Variants in PDE4D observed in about 807,000 individuals in gnomAD.
PDE4D encodes phosphodiesterase 4D, also known as 3',5'-cyclic-AMP phosphodiesterase 4D.
Under a neutral mutation model 87.4 loss-of-function variants are expected in PDE4D, and 24 were observed. The ratio of observed to expected loss-of-function variants is 0.27; its 90% CI spans 0.20 to 0.39. PDE4D has a LOEUF of 0.39. Ranked by LOEUF, PDE4D falls within the 10% of genes least tolerant of loss-of-function variation. PDE4D has a pLI of 1.00. For synonymous variants in PDE4D, 384 were observed against 383.2 expected (o/e 1.00, Z -0.02); for missense variants, 714 against 1,041.0 (o/e 0.69, Z 4.32).
intron 5 of PDE4D, among the ~76,000 whole-genome samples, chr5:59,081,885 G>C (rs1223114439): frequency 6.6e-6 from 1 of 152,062 alleles, no homozygotes; most frequent in Non-Finnish European, 1.5e-5. Context: ...GGGAGGGACT[G>C]GGTGAAGATA....
intron 1 of PDE4D, among the ~76,000 whole-genome samples, chr5:59,698,581 A>G (rs1262539613): frequency 6.6e-6 from 1 of 152,172 alleles, no homozygotes; most frequent in African/African-American, 2.4e-5. Context: ...AAAAAGAATG[A>G]CAGCCCACAC....
intron 1 of PDE4D, among the ~76,000 whole-genome samples, chr5:60,445,527 A>C (rs1189581641): frequency 6.6e-6 from 1 of 152,168 alleles, no homozygotes; most frequent in African/African-American, 2.4e-5. Context: ...ACTGGAAGAA[A>C]ATGTAGGAAA....
intron 1 of PDE4D, among the ~76,000 whole-genome samples, chr5:59,361,543 T>C (rs929833673): frequency 6.6e-6 from 1 of 152,162 alleles, no homozygotes; most frequent in African/African-American, 2.4e-5. Context: ...GAGTGGTGGA[T>C]ATAGGATTAC....
chr5:59,793,216 A>G (rs764511930), intron 1 of PDE4D, among the ~76,000 whole-genome samples: 8 of 152,224 alleles, frequency 5.3e-5, no homozygotes, highest in Non-Finnish European at 8.8e-5. Flanking sequence ...GGAGATGTCC[A>G]GCGTCCAGCT....
chr5:59,261,631 A>AT, intron 1 of PDE4D, among the ~76,000 whole-genome samples: 1 of 151,638 alleles, frequency 6.6e-6, no homozygotes, highest in South Asian at 2.1e-4. Context: ...TTTTCCAACT[A>AT]TTTTTTCCTG....
intron 1 of PDE4D, among the ~76,000 whole-genome samples, chr5:59,699,648 G>A (rs1366180219): frequency 1.3e-5 from 2 of 152,058 alleles, no homozygotes; most frequent in Non-Finnish European, 2.9e-5. Flanking sequence ...ACAAAAAAGA[G>A]GAAGATAGAA....
At chr5:59,997,341 T>C (rs1356125045) in intron 2 of PDE4D, among the ~76,000 whole-genome samples, 1 of 152,204 alleles carries the variant, frequency 6.6e-6, no homozygotes, top group Non-Finnish European at 1.5e-5. Context: ...CTCTCTCAAG[T>C]GTTTTGAAAA....
chr5:59,513,514 T>C lies in PDE4D; in HGVS notation c.456-297546A>G, dbSNP rs114650025. On this transcript the variant is annotated intron_variant, in intron 1 of 14. Coordinates refer to ENST00000340635, the MANE Select transcript of PDE4D (RefSeq NM_001104631.2). The stretch of plus-strand genomic sequence containing the variant: ...AGGTGAGAGACTGCCTAGTTCAACC[T>C]CCTTTCACAAATGAGGCAATTAAAC... Among the ~76,000 whole-genome samples the C allele has an allele frequency of 4.0e-3, 608 of 152,292 alleles. 4 individuals carry two copies. The highest frequency in any genetic ancestry group is 0.014 in the African/African-American group (590 of 41,556).
chr5:60,435,927 C>A (rs1354620020), intron 1 of PDE4D, among the ~76,000 whole-genome samples: 1 of 151,968 alleles, frequency 6.6e-6, no homozygotes. Flanking sequence ...TTTTTCAGAG[C>A]CTCCAGGGCT....
chr5:59,879,478 G>A (rs1749124136), intron 1 of PDE4D, among the ~76,000 whole-genome samples: 1 of 152,178 alleles, frequency 6.6e-6, no homozygotes, highest in Non-Finnish European at 1.5e-5. Context: ...TAATCAGATG[G>A]CAGTTATATT....
chr5:59,649,402 C>G (rs940395571), intron 1 of PDE4D, among the ~76,000 whole-genome samples: 1 of 151,972 alleles, frequency 6.6e-6, no homozygotes, highest in Non-Finnish European at 1.5e-5. Flanking sequence ...AAGAAAAACA[C>G]GTCAGCAGGG....
chr5:59,265,230 C>A (rs935903877), intron 1 of PDE4D, among the ~76,000 whole-genome samples: 1 of 151,824 alleles, frequency 6.6e-6, no homozygotes, highest in African/African-American at 2.4e-5. Context: ...CAGATGAAAC[C>A]CCTGCCTAGT....
intron 1 of PDE4D, among the ~76,000 whole-genome samples, chr5:60,285,785 A>G (rs1455509283): frequency 1.3e-5 from 2 of 152,198 alleles, no homozygotes; most frequent in Non-Finnish European, 2.9e-5. Context: ...ATTGCAATAA[A>G]ATGACCTTGA....
At chr5:59,654,954 C>A (rs918018719) in intron 1 of PDE4D, among the ~76,000 whole-genome samples, 3 of 152,122 alleles carry the variant, frequency 2.0e-5, no homozygotes, top group African/African-American at 7.2e-5. Flanking sequence ...GTTTATCCAT[C>A]AGCTGATGGC....
At chr5:60,144,885 T>G (rs1457736523) in intron 2 of PDE4D, among the ~76,000 whole-genome samples, 1 of 152,204 alleles carries the variant, frequency 6.6e-6, no homozygotes, top group African/African-American at 2.4e-5. Flanking sequence ...TAGATCACTC[T>G]AAATCTCATC....
chr5:59,337,688 A>G (rs544296740), intron 1 of PDE4D, among the ~76,000 whole-genome samples: 2 of 152,260 alleles, frequency 1.3e-5, no homozygotes, highest in East Asian at 3.9e-4. Context: ...CCATGTGTTG[A>G]TATGTTCTGA....
At chr5:60,285,738 C>T (rs1395790179) in intron 1 of PDE4D, among the ~76,000 whole-genome samples, 2 of 152,188 alleles carry the variant, frequency 1.3e-5, no homozygotes, top group African/African-American at 2.4e-5. Context: ...CACAGAGTGA[C>T]GTGGTGCCCA....
chr5:60,334,020 C>A (rs2149876543), intron 1 of PDE4D, among the ~76,000 whole-genome samples: 1 of 152,312 alleles, frequency 6.6e-6, no homozygotes, highest in Non-Finnish European at 1.5e-5. Context: ...ATCACTGATT[C>A]ATTCTCACAA....
chr5:59,711,632 C>T (rs987849895), intron 1 of PDE4D, among the ~76,000 whole-genome samples: 7 of 152,188 alleles, frequency 4.6e-5, no homozygotes, highest in Non-Finnish European at 7.4e-5. Context: ...CTAACTATAA[C>T]TTCCTAGTTT....
Sources: gnomAD v4.1 joint callset for allele counts (sites outside exome capture counted in the v4.1 genomes callset) on GRCh38, gnomAD v4.1.1 for gene constraint, MANE v1.5 for transcripts, NCBI Gene and HGNC (gene_info 2026-07-23, HGNC 2026-07-21) for gene names.